TAF4: variants seen among roughly 807,000 people sequenced by gnomAD.
TAF4 encodes the protein TATA-box binding protein associated factor 4, also known as transcription initiation factor TFIID subunit 4.
In TAF4, 9 loss-of-function variants were observed where a neutral mutation model predicts 90.3. That is an observed-to-expected ratio of 0.10 (90% CI 0.06 to 0.17). TAF4 has a LOEUF of 0.17. TAF4 is among the 10% of genes least tolerant of loss of function. The pLI is 1.00. For missense variants in TAF4, 1,351 were observed against 1,370.7 expected, an observed-to-expected ratio of 0.99 and a Z score of 0.23; for synonymous variants, 818 against 638.9, an observed-to-expected ratio of 1.28 and a Z score of -4.23.
At chr20:62,061,908 G>A (rs984935401) in intron 1 of TAF4, among the ~76,000 whole-genome samples, 5 of 152,170 alleles carry the variant, frequency 3.3e-5, no homozygotes, top group African/African-American at 1.2e-4. Context: ...AACATACCCG[G>A]TGTGCACTAT....
intron 1 of TAF4, among the ~76,000 whole-genome samples, chr20:62,026,648 G>A (rs1207145538): frequency 6.6e-6 from 1 of 152,150 alleles, no homozygotes; most frequent in Non-Finnish European, 1.5e-5. Context: ...GCCAGGCTCC[G>A]CAGAAACACG....
At chr20:62,023,130 A>G (rs1049600558) in intron 1 of TAF4, among the ~76,000 whole-genome samples, 4 of 151,956 alleles carry the variant, frequency 2.6e-5, no homozygotes, top group Non-Finnish European at 5.9e-5. Context: ...AAAGTCTTAG[A>G]TTAACCAACA....
chr20:61,985,047 G>T lies in TAF4; in HGVS notation c.3091-8712C>A, dbSNP rs183831517. Among the ~76,000 whole-genome samples, 27 of 90,562 alleles carry T rather than the reference G, an allele frequency of 3.0e-4. 2 individuals carry two copies. In the East Asian group the frequency reaches 5.4e-3, roughly 18 times the overall value. The allele number at this position is 90,562 out of a possible 152,430, so 59.4% of individuals were successfully genotyped here. ...CAGGGGGTGGGAGGATGGGTGGAGG[G>T]TGTGGCAGGACACCACTCCAAGGGG... On this transcript the variant is annotated intron_variant, in intron 14 of 14. Transcript: ENST00000252996.
intron 1 of TAF4, among the ~76,000 whole-genome samples, chr20:62,057,139 C>A (rs77882184): frequency 0.029 from 4,450 of 152,274 alleles, 164 homozygotes; most frequent in African/African-American, 0.087. Flanking sequence ...GGCTGTGTCC[C>A]CCGACCCCAT....
intron 1 of TAF4, among the ~76,000 whole-genome samples, chr20:62,032,495 G>A (rs1251668807): frequency 2.0e-5 from 3 of 152,258 alleles, no homozygotes; most frequent in Non-Finnish European, 2.9e-5. Context: ...CACAGGCAGC[G>A]CCTGCTGTCT....
chr20:62,047,943 C>A (rs922297140), intron 1 of TAF4, among the ~76,000 whole-genome samples: 5 of 152,228 alleles, frequency 3.3e-5, no homozygotes, highest in African/African-American at 1.2e-4. Flanking sequence ...ACACCGGCAA[C>A]CCTGCCCCGG....
chr20:62,026,483 T>C (rs964961889), intron 1 of TAF4, among the ~76,000 whole-genome samples: 12 of 152,120 alleles, frequency 7.9e-5, no homozygotes, highest in African/African-American at 2.2e-4. Context: ...GCTCCTTTGA[T>C]GGAAAAGGGA....
At chr20:62,003,970 T>C in intron 7 of TAF4, 92 bp from the exon 8 acceptor site, 1 of 1,437,686 alleles carries the variant, frequency 7.0e-7, no homozygotes, top group Non-Finnish European at 9.1e-7. Context: ...TTCCCTTCCT[T>C]TGCACCCCAC....
chr20:61,977,937 G>T (rs556505986), intron 14 of TAF4, among the ~76,000 whole-genome samples: 5 of 152,222 alleles, frequency 3.3e-5, no homozygotes, highest in Non-Finnish European at 7.3e-5. Flanking sequence ...AGAGGACCGG[G>T]GTGAAGGAGA....
chr20:62,051,566 C>T (rs889663965), intron 1 of TAF4, among the ~76,000 whole-genome samples: 1 of 152,114 alleles, frequency 6.6e-6, no homozygotes, highest in Non-Finnish European at 1.5e-5. Flanking sequence ...CCATAGGACA[C>T]AGGGCTGGGC....
chr20:61,998,665 A>G (rs2055678709), intron 12 of TAF4, among the ~76,000 whole-genome samples: 1 of 152,168 alleles, frequency 6.6e-6, no homozygotes, highest in Admixed American at 6.6e-5. Context: ...ATGTTCTAGA[A>G]CAAGGACAAC....
chr20:62,065,372 C>G lies in TAF4; in HGVS notation c.439G>C (p.Ala147Pro). 1 of 967,244 alleles carries G rather than the reference C, an allele frequency of 1.0e-6. No homozygotes were observed. 59.9% of individuals were successfully genotyped at this position (967,244 alleles called of 1,614,324 possible). Residue 147 changes from alanine to proline, a missense_variant, in exon 1 of 15, where the codon GCC becomes CCC. Physicochemically the swap from Ala to Pro is conservative, Grantham distance 27. Transcript: ENST00000252996. ...GCGGGGGCGGGCTCGGGCCCCGCGG[C>G]GACGGCGGCGGCGGCGGGCACCGGG... Reference protein sequence around the residue: ...CAPVPAAAAVAAGPEPAPAGP... With the variant: ...CAPVPAAAAVPAGPEPAPAGP...
Position 62,064,808 on chromosome 20 carries a change from C to G in TAF4, c.1003G>C (p.Ala335Pro). The change falls in exon 1 of 15, where the codon GCT (alanine) becomes CCT (proline). Residue 335 changes from alanine (A) to proline (P), a missense_variant. Physicochemically the swap from Ala to Pro is conservative, Grantham distance 27 (BLOSUM62 -1). This residue lies in a region of TAF4 where 782 missense variants were observed against 536.6 expected (regional missense o/e 1.46). Transcript: ENST00000252996. Reference sequence around the variant, plus strand: ...TTGACCCCCGGCGCCGGCGCCGCAGCCGCCGCGCCGGGCCCGGGTTGGCCG... The same window carrying G: ...TTGACCCCCGGCGCCGGCGCCGCAGGCGCCGCGCCGGGCCCGGGTTGGCCG... The part of the protein sequence containing the change: ...VSGQPGPGAA[A>P]AAPAPGVKAE... The G allele has an allele frequency of 7.1e-6, 7 of 990,690 alleles. No homozygotes were observed. Among genetic ancestry groups the G allele is most frequent in the Non-Finnish European group, 8.4e-6 (7 of 835,842 alleles). The allele number at this position is 990,690 out of a possible 1,614,324, so 61.4% of individuals were successfully genotyped here.
intron 1 of TAF4, among the ~76,000 whole-genome samples, chr20:62,035,499 C>G (rs1287044852): frequency 6.6e-6 from 1 of 152,192 alleles, no homozygotes; most frequent in Non-Finnish European, 1.5e-5. Flanking sequence ...GGACAACTGT[C>G]AATCCAAATA....
chr20:62,053,376 C>T (rs1439737000), intron 1 of TAF4, among the ~76,000 whole-genome samples: 2 of 152,208 alleles, frequency 1.3e-5, no homozygotes, highest in Admixed American at 6.5e-5. Context: ...GACGAGCTCC[C>T]GGCCCAGCTC....
chr20:62,053,823 G>T (rs147415036), intron 1 of TAF4, among the ~76,000 whole-genome samples: 1 of 152,232 alleles, frequency 6.6e-6, no homozygotes, highest in Admixed American at 6.5e-5. Context: ...AAGTCTTCTC[G>T]GCTGAAACTA....
intron 1 of TAF4, among the ~76,000 whole-genome samples, chr20:62,020,742 G>A (rs1043583031): frequency 1.3e-5 from 2 of 152,148 alleles, no homozygotes; most frequent in Admixed American, 6.5e-5. Flanking sequence ...TATCCAATAC[G>A]ACAGTCAAAT....
chr20:62,001,390 C>T (rs965134002), intron 9 of TAF4, among the ~76,000 whole-genome samples: 1 of 152,246 alleles, frequency 6.6e-6, no homozygotes, highest in African/African-American at 2.4e-5. Flanking sequence ...TCCTGGGCTG[C>T]CCCTGACACC....
intron 1 of TAF4, among the ~76,000 whole-genome samples, chr20:62,041,256 G>C (rs1388902668): frequency 7.2e-5 from 11 of 152,078 alleles, no homozygotes; most frequent in Non-Finnish European, 1.5e-5. Context: ...ACTTACAAGG[G>C]GGACATTTTA....
Sources: gnomAD v4.1 joint callset for allele counts (sites outside exome capture counted in the v4.1 genomes callset) on GRCh38, gnomAD v4.1.1 for gene constraint, gnomAD v4.1.1 regional missense constraint, MANE v1.5 for transcripts, NCBI Gene and HGNC (gene_info 2026-07-23, HGNC 2026-07-21) for gene names.